Variants in NDFIP2 observed in about 807,000 individuals in gnomAD.
NDFIP2 encodes NEDD4 family-interacting protein 2.
NDFIP2 carries 19 observed loss-of-function variants against 36.0 expected under a neutral mutation model. The observed-to-expected ratio is 0.53, with a 90% CI of 0.37 to 0.77. NDFIP2 has a LOEUF of 0.77. Among genes scored for constraint, NDFIP2 ranks in the 30% least tolerant of loss-of-function variants. The pLI is 0.00. For synonymous variants in NDFIP2, 181 were observed against 167.7 expected, an observed-to-expected ratio of 1.08 and a Z score of -0.61; for missense variants, 446 against 435.8, an observed-to-expected ratio of 1.02 and a Z score of -0.21.
chr13:79,481,792 C>T (rs113998894), intron 1 of NDFIP2, among the ~76,000 whole-genome samples: 310 of 152,094 alleles, frequency 2.0e-3, no homozygotes, highest in African/African-American at 7.1e-3. Context: ...GCCCTCCCTC[C>T]ACACACCTTA....
chr13:79,523,900 CT>C (rs1566662419), intron 2 of NDFIP2, among the ~76,000 whole-genome samples: 1 of 152,134 alleles, frequency 6.6e-6, no homozygotes. Flanking sequence ...TTGCTGAAAC[CT>C]TTTGGAAGAA....
chr13:79,537,129 G>A (rs1476242594), intron 3 of NDFIP2, among the ~76,000 whole-genome samples: 2 of 151,678 alleles, frequency 1.3e-5, no homozygotes, highest in African/African-American at 4.8e-5. Context: ...TGTTTTTGAG[G>A]CGCAGTCTCA....
intron 2 of NDFIP2, among the ~76,000 whole-genome samples, chr13:79,522,993 C>T (rs528119395): frequency 1.2e-4 from 19 of 152,244 alleles, no homozygotes; most frequent in African/African-American, 2.9e-4. Flanking sequence ...CTTACCCTTC[C>T]CCGTAGCACC....
rs9635028 is a variant in NDFIP2, at chr13:79,487,431, G to A, written c.321+5907G>A. On this transcript the variant is annotated intron_variant, in intron 1 of 7. Coordinates refer to ENST00000218652, the MANE Select transcript of NDFIP2 (RefSeq NM_019080.3). ...AGTTTATCCATTGCTGTTGATATTT[G>A]GGTTTTTAGTTTTCTTTTGCTGTTA... 1.2e-4 allele frequency among the ~76,000 whole-genome samples: 18 copies of A among 152,196 alleles called. No homozygotes were observed. The East Asian group carries it at 3.3e-3, about 28-fold the overall frequency.
intron 1 of NDFIP2, among the ~76,000 whole-genome samples, chr13:79,518,825 T>G (rs942031553): frequency 5.3e-5 from 8 of 152,218 alleles, no homozygotes; most frequent in South Asian, 2.1e-4. Flanking sequence ...TTTTTTCTTT[T>G]TAAGACACTG....
chr13:79,486,018 A>G (rs889402041), intron 1 of NDFIP2, among the ~76,000 whole-genome samples: 1 of 152,190 alleles, frequency 6.6e-6, no homozygotes, highest in Non-Finnish European at 1.5e-5. Context: ...AACTTTTTGA[A>G]CACCACATGA....
At chr13:79,544,869 A>G (rs986616527) in intron 5 of NDFIP2, among the ~76,000 whole-genome samples, 1 of 152,158 alleles carries the variant, frequency 6.6e-6, no homozygotes, top group African/African-American at 2.4e-5. Flanking sequence ...ATTATTAATC[A>G]GTTAATTCTT....
chr13:79,484,339 T>C (rs73551530), intron 1 of NDFIP2, among the ~76,000 whole-genome samples: 4,782 of 152,222 alleles, frequency 0.031, 262 homozygotes, highest in African/African-American at 0.11. Flanking sequence ...TAAAGGATTA[T>C]GTACCTGTAC....
chr13:79,510,774 G>A (rs1445777674), intron 1 of NDFIP2, among the ~76,000 whole-genome samples: 2 of 151,916 alleles, frequency 1.3e-5, no homozygotes, highest in Non-Finnish European at 2.9e-5. Context: ...TGAGGCAGGC[G>A]GATCACCTGA....
At chr13:79,507,286 T>TCATCATGGGG (rs1346644965) in intron 1 of NDFIP2, among the ~76,000 whole-genome samples, 30 of 51,908 alleles carry the variant, frequency 5.8e-4, no homozygotes, top group Admixed American at 9.6e-4. Flanking sequence ...TTTTTTTTTT[T>TCATCATGGGG]TTTTTGAGAC....
At chr13:79,505,502 G>A (rs1186072086) in intron 1 of NDFIP2, among the ~76,000 whole-genome samples, 1 of 151,806 alleles carries the variant, frequency 6.6e-6, no homozygotes, top group Non-Finnish European at 1.5e-5. Context: ...ATATGATGGT[G>A]CCTGCTTGTC....
intron 1 of NDFIP2, among the ~76,000 whole-genome samples, 190 bp downstream of exon 1, chr13:79,481,714 C>G (rs2079814582): frequency 6.6e-6 from 1 of 152,152 alleles, no homozygotes; most frequent in East Asian, 1.9e-4. Context: ...AGGACTCCTT[C>G]GAAACCCTTC....
In NDFIP2 at chr13:79,552,862, G is replaced by C. The variant is rs924375967; in HGVS notation, c.*349G>C. ...GAGTGGATAAACAGTCTTCCAGCTT[G>C]TAAATGCCATTGACTTCTGACCTGA... On this transcript the variant is annotated 3_prime_UTR_variant, in exon 8 of 8. Transcript: ENST00000218652. 7.2e-5 allele frequency: 11 copies of C among 151,862 alleles called. No individual in the cohort carries two copies. Among genetic ancestry groups the C allele is most frequent in the Non-Finnish European group, 1.5e-4 (10 of 67,478 alleles). 9.4% of individuals were successfully genotyped at this position (151,862 alleles called of 1,614,324 possible).
At chr13:79,545,610 G>T (rs7332746) in intron 5 of NDFIP2, among the ~76,000 whole-genome samples, 1,729 of 152,292 alleles carry the variant, frequency 0.011, 35 homozygotes, top group African/African-American at 0.04. Flanking sequence ...GTGTATGCCA[G>T]GCATAATTTG....
At chr13:79,520,121 G>A (rs1288660084) in intron 1 of NDFIP2, among the ~76,000 whole-genome samples, 1 of 152,024 alleles carries the variant, frequency 6.6e-6, no homozygotes, top group Non-Finnish European at 1.5e-5. Context: ...AATTTTTTTT[G>A]TACTTGGGAA....
chr13:79,541,699 G>C (rs1334888672), intron 4 of NDFIP2, among the ~76,000 whole-genome samples: 1 of 151,924 alleles, frequency 6.6e-6, no homozygotes, highest in African/African-American at 2.4e-5. Context: ...AATAGCTACT[G>C]TGGGTAAAAA....
At chr13:79,504,748 C>T (rs547595473) in intron 1 of NDFIP2, among the ~76,000 whole-genome samples, 3 of 151,730 alleles carry the variant, frequency 2.0e-5, no homozygotes, top group African/African-American at 7.3e-5. Flanking sequence ...ATTGGTGGTT[C>T]TTGCCTTAAA....
At position 79,553,899 on chromosome 13, in the gene NDFIP2, A is replaced by T. The variant is rs1284424501; in HGVS notation, c.*1386A>T. ...ATCTTTTAAACTTAAAAATTATTTAATACAGCTATATGGACCTTATAAAAT... is the reference window on the plus strand; with the variant it reads ...ATCTTTTAAACTTAAAAATTATTTATTACAGCTATATGGACCTTATAAAAT... On this transcript the variant is annotated 3_prime_UTR_variant, in exon 8 of 8. Coordinates refer to ENST00000218652, the MANE Select transcript of NDFIP2 (RefSeq NM_019080.3). 1 of 152,014 alleles carries T rather than the reference A, an allele frequency of 6.6e-6. No homozygotes were observed. The highest frequency in any genetic ancestry group is 1.5e-5 in the Non-Finnish European group (1 of 67,596). The allele number at this position is 152,014 out of a possible 1,614,324, so 9.4% of individuals were successfully genotyped here.
rs1307458283 is a variant in NDFIP2 at position 79,481,185 on chromosome 13, C to A, written c.-19C>A. ...TCCATCTCCTCCCACCCAGCTATACCCTCCCACTGGCGGCGCGGATGGCAC... is the reference window on the plus strand; with the variant it reads ...TCCATCTCCTCCCACCCAGCTATACACTCCCACTGGCGGCGCGGATGGCAC... On this transcript the variant is annotated 5_prime_UTR_variant, in exon 1 of 8. Transcript: ENST00000218652. The A allele has an allele frequency of 8.0e-6, 12 of 1,495,700 alleles. No individual in the cohort carries two copies. The highest frequency in any genetic ancestry group is 2.8e-5 in the African/African-American group (2 of 70,612). The allele number at this position is 1,495,700 out of a possible 1,614,324, so 92.7% of individuals were successfully genotyped here.
Sources: gnomAD v4.1 joint callset for allele counts (sites outside exome capture counted in the v4.1 genomes callset) on GRCh38, gnomAD v4.1.1 for gene constraint, MANE v1.5 for transcripts, NCBI Gene and HGNC (gene_info 2026-07-23, HGNC 2026-07-21) for gene names.